SIVA1: variants seen among roughly 807,000 people sequenced by gnomAD.
SIVA1 encodes the protein apoptosis regulatory protein Siva.
A neutral mutation model predicts 19.7 loss-of-function variants in SIVA1; 10 were observed. The ratio of observed to expected loss-of-function variants is 0.51; its 90% CI spans 0.31 to 0.86. SIVA1 has a LOEUF of 0.86. SIVA1 is among the 40% of genes least tolerant of loss of function. The pLI is 0.04. For missense variants in SIVA1, 241 were observed against 245.2 expected (o/e 0.98, Z 0.11); for synonymous variants, 130 against 106.1 (o/e 1.23, Z -1.39).
intron 3 of SIVA1, chr14:104,757,060 G>A: frequency 2.2e-6 from 1 of 456,920 alleles, no homozygotes; most frequent in Non-Finnish European, 4.0e-6. Context: ...TCCTCCTCTG[G>A]TCTTTGAGCC....
At chr14:104,756,422 A>G (rs1157440348) in intron 2 of SIVA1, 182 bp from the exon 3 acceptor site, 1 of 630,188 alleles carries the variant, frequency 1.6e-6, no homozygotes, top group Non-Finnish European at 2.8e-6. Context: ...TCTCTGTAGT[A>G]AAACGGGGGT....
At chr14:104,754,649 G>T (rs1891825168) in intron 1 of SIVA1, among the ~76,000 whole-genome samples, 1 of 152,198 alleles carries the variant, frequency 6.6e-6, no homozygotes, top group Non-Finnish European at 1.5e-5. Flanking sequence ...ACTTTGAACT[G>T]TGTGACAGTT....
intron 1 of SIVA1, among the ~76,000 whole-genome samples, chr14:104,755,014 C>T (rs1891837728): frequency 6.6e-6 from 1 of 152,156 alleles, no homozygotes; most frequent in African/African-American, 2.4e-5. Context: ...TGAACTGTGG[C>T]CTGATGGAAA....
At chr14:104,753,400 G>C (rs560067828) in intron 1 of SIVA1, 81 bp downstream of exon 1, 6 of 955,574 alleles carry the variant, frequency 6.3e-6, no homozygotes, top group Non-Finnish European at 4.6e-6. Context: ...TCTGAGGCCT[G>C]AGCGGGGGGC....
In SIVA1 at chr14:104,756,991, C is replaced by T. The variant is rs559169684; in HGVS notation, c.470+231C>T. ...CCTCACAGATGACCTGCTCTGTATCCGGCTCTAGTCCCTGTCTTCAGCCAC... is the reference window on the plus strand; with the variant it reads ...CCTCACAGATGACCTGCTCTGTATCTGGCTCTAGTCCCTGTCTTCAGCCAC... On this transcript the variant is annotated intron_variant, in intron 3 of 3. Coordinates refer to ENST00000329967, the MANE Select transcript of SIVA1 (RefSeq NM_006427.4). The T allele has an allele frequency of 2.4e-5, 14 of 575,642 alleles. No homozygotes were observed. The Middle Eastern group carries it at 1.4e-3, about 58-fold the overall frequency. The allele number at this position is 575,642 out of a possible 1,614,324, so 35.7% of individuals were successfully genotyped here. A position where few individuals can be genotyped will look rare whatever the true frequency, so the allele number is the denominator to read the frequency against.
chr14:104,753,368 C>A, intron 1 of SIVA1, 49 bp downstream of exon 1: 2 of 1,294,574 alleles, frequency 1.5e-6, no homozygotes, highest in South Asian at 1.3e-5. Flanking sequence ...GGGCCTGGAA[C>A]GGGCCGGGCC....
At chr14:104,755,889 T>C (rs751840931) in intron 2 of SIVA1, 65 bp downstream of exon 2, 20 of 1,474,034 alleles carry the variant, frequency 1.4e-5, no homozygotes, top group Non-Finnish European at 1.8e-5. Flanking sequence ...CGAGCATTTT[T>C]CTTGATTTGC....
chr14:104,753,771 G>A (rs949135957), intron 1 of SIVA1: 2 of 454,938 alleles, frequency 4.4e-6, no homozygotes, highest in Non-Finnish European at 8.9e-6. Flanking sequence ...CAGGCACGGC[G>A]GCTTTCTCGG....
intron 3 of SIVA1, 50 bp downstream of exon 3, chr14:104,756,810 C>G (rs748397572): frequency 3.0e-5 from 47 of 1,555,950 alleles, no homozygotes; most frequent in Non-Finnish European, 4.1e-5. Context: ...CCCCAGCAAG[C>G]CGTGATGGGG....
rs1892005032 is a variant in SIVA1 at position 104,759,271 on chromosome 14, ATCTAGACTGATGATGCCCGCAGTG to A, written c.471-156_471-133del. On this transcript the variant is annotated intron_variant, in intron 3 of 3. Coordinates refer to ENST00000329967, the MANE Select transcript of SIVA1 (RefSeq NM_006427.4). This position sits in a 1 kb window ranked among gnomAD's most constrained non-coding sequence, Gnocchi z 4.2. The stretch of plus-strand genomic sequence containing the variant: ...TTAGGGCCCCCATGTCAGTGCCGTC[ATCTAGACTGATGATGCCCGCAGTG>A]ATCCTGTCTCCAGATAAGGTCATGT... 1.7e-6 allele frequency: 1 copy of A among 584,292 alleles called. No individual in the cohort carries two copies. The highest frequency in any genetic ancestry group is 3.0e-6 in the Non-Finnish European group (1 of 333,040). The allele number at this position is 584,292 out of a possible 1,614,324, so 36.2% of individuals were successfully genotyped here.
chr14:104,755,733 C>T lies in SIVA1; in HGVS notation c.222C>T (p.Gly74=). The part of the protein sequence containing the change: ...VVHLPESPKP[G]PTGAPRAARG... ...ACCTGCCAGAGTCCCCAAAGCCTGG[C>T]CCTACAGGGGCCCCGAGGGCTGCAC... Residue 74 remains glycine, a synonymous_variant, in exon 2 of 4, where the codon GGC becomes GGT. Transcript: ENST00000329967. 3 of 1,614,132 alleles carry T rather than the reference C, an allele frequency of 1.9e-6. No homozygotes were observed. The highest frequency in any genetic ancestry group is 1.1e-5 in the South Asian group (1 of 91,082).
chr14:104,753,559 C>A (rs373446738), intron 1 of SIVA1, among the ~76,000 whole-genome samples: 1 of 152,222 alleles, frequency 6.6e-6, no homozygotes, highest in African/African-American at 2.4e-5. Flanking sequence ...AGAAAAGGGT[C>A]CCTGCCCCTA....
chr14:104,759,048 G>T lies in SIVA1; in HGVS notation c.471-380G>T, dbSNP rs1305460162. Reference sequence around the variant, plus strand: ...TGCCACGTGGCTTTGGAGACCAGAAGTCTGAGAGGAAGGTGCTGGCAGGGC... The same window carrying T: ...TGCCACGTGGCTTTGGAGACCAGAATTCTGAGAGGAAGGTGCTGGCAGGGC... On this transcript the variant is annotated intron_variant, in intron 3 of 3. Transcript: ENST00000329967. The surrounding 1 kb of genome is among the most constrained non-coding windows in gnomAD (Gnocchi z 4.2). 2 of 168,348 alleles carry T rather than the reference G, an allele frequency of 1.2e-5. No homozygotes were observed. The highest frequency in any genetic ancestry group is 2.5e-5 in the Non-Finnish European group (2 of 78,674). 10.4% of individuals were successfully genotyped at this position (168,348 alleles called of 1,614,324 possible).
At position 104,759,215 on chromosome 14, in the gene SIVA1, G is replaced by T; in HGVS notation, c.471-213G>T. ...TCCTTCTCTGTGTCCTTCTCTTCACGTAGTCTTTTTAGGACGCTGGTCGTG... is the reference window on the plus strand; with the variant it reads ...TCCTTCTCTGTGTCCTTCTCTTCACTTAGTCTTTTTAGGACGCTGGTCGTG... On this transcript the variant is annotated intron_variant, in intron 3 of 3. Coordinates refer to ENST00000329967, the MANE Select transcript of SIVA1 (RefSeq NM_006427.4). The surrounding 1 kb of genome is among the most constrained non-coding windows in gnomAD (Gnocchi z 4.2). 1 of 458,392 alleles carries T rather than the reference G, an allele frequency of 2.2e-6. No individual in the cohort carries two copies. The highest frequency in any genetic ancestry group is 3.9e-6 in the Non-Finnish European group (1 of 256,252). The allele number at this position is 458,392 out of a possible 1,614,324, so 28.4% of individuals were successfully genotyped here.
At chr14:104,757,322 C>G (rs890939954) in intron 3 of SIVA1, 5 of 426,472 alleles carry the variant, frequency 1.2e-5, no homozygotes, top group African/African-American at 1.0e-4. Context: ...AGCCTGTTTG[C>G]CCTGCCCCGT....
rs33942953 is a variant in SIVA1, at chr14:104,759,305, CCA to C, written c.471-122_471-121del. ...GATGATGCCCGCAGTGATCCTGTCT[CCA>C]GATAAGGTCATGTCCTGAGGTGTTC... On this transcript the variant is annotated intron_variant, in intron 3 of 3. Coordinates refer to ENST00000329967, the MANE Select transcript of SIVA1 (RefSeq NM_006427.4). The surrounding 1 kb of genome is among the most constrained non-coding windows in gnomAD (Gnocchi z 4.2). 0.035 allele frequency: 26,103 copies of C among 746,894 alleles called. 3,171 individuals carry two copies. Among genetic ancestry groups the C allele is most frequent in the African/African-American group, 0.33 (18,653 of 57,294 alleles). 46.3% of individuals were successfully genotyped at this position (746,894 alleles called of 1,614,324 possible).
In SIVA1 at chr14:104,753,197, C is replaced by A; in HGVS notation, c.-5C>A. The A allele has an allele frequency of 6.4e-7, 1 of 1,557,386 alleles. No individual in the cohort carries two copies. The highest frequency in any genetic ancestry group is 8.7e-7 in the Non-Finnish European group (1 of 1,152,228). ...GGGAGCTGCGTAGCTCCCGGCCCCGCGGCCATGCCCAAGCGGAGCTGCCCC... is the reference window on the plus strand; with the variant it reads ...GGGAGCTGCGTAGCTCCCGGCCCCGAGGCCATGCCCAAGCGGAGCTGCCCC... On this transcript the variant is annotated 5_prime_UTR_variant, in exon 1 of 4. Transcript: ENST00000329967.
chr14:104,758,139 C>T (rs1891959537), intron 3 of SIVA1: 1 of 152,318 alleles, frequency 6.6e-6, no homozygotes, highest in South Asian at 2.1e-4. Flanking sequence ...CCAGGCGTCG[C>T]AGGAGTGGGG....
intron 2 of SIVA1, 159 bp downstream of exon 2, chr14:104,755,983 G>T (rs1034266010): frequency 9.4e-6 from 7 of 744,400 alleles, no homozygotes; most frequent in Admixed American, 2.0e-5. Context: ...GTTATCAGGA[G>T]GTCTCACATT....
Sources: gnomAD v4.1 joint callset for allele counts (sites outside exome capture counted in the v4.1 genomes callset) on GRCh38, gnomAD v4.1.1 for gene constraint, Gnocchi (gnomAD v3.1) non-coding constraint, MANE v1.5 for transcripts, NCBI Gene and HGNC (gene_info 2026-07-23, HGNC 2026-07-21) for gene names.